The following DOCK8 variants were observed in gnomAD, a reference collection of about 807,000 sequenced individuals.
The protein encoded by DOCK8 is dedicator of cytokinesis protein 8.
DOCK8 carries 141 observed loss-of-function variants against 245.6 expected under a neutral mutation model. The ratio of observed to expected loss-of-function variants is 0.57; its 90% confidence interval spans 0.50 to 0.66. DOCK8 has a LOEUF of 0.66. DOCK8 is among the 30% of genes least tolerant of loss of function. The probability of loss-of-function intolerance (pLI) is 0.00; values close to 1 mark genes in which losing one functional copy is unlikely to be tolerated. For synonymous variants in DOCK8, 1,168 were observed against 970.2 expected, an observed-to-expected ratio of 1.20 and a Z score of -3.79; for missense variants, 2,965 against 2,603.4, an observed-to-expected ratio of 1.14 and a Z score of -3.02.
intron 26 of DOCK8, among the ~76,000 whole-genome samples, chr9:400,967 T>TCTAGCAATATTATCACCTTTCCTATCA (rs2055031963): frequency 7.1e-5 from 3 of 42,346 alleles, no homozygotes; most frequent in African/African-American, 9.2e-4. Flanking sequence ...CACCACCACC[T>TCTAGCAATATTATCACCTTTCCTATCA]CCTCCACCAT....
At chr9:368,597 C>G (rs1253846061) in intron 15 of DOCK8, 1 of 256,540 alleles carries the variant, frequency 3.9e-6, no homozygotes, top group African/African-American at 2.2e-5. Flanking sequence ...TATAAACACA[C>G]ACCACCTCCA....
intron 10 of DOCK8, 150 bp downstream of exon 10, chr9:332,628 A>G (rs2051071474): frequency 1.8e-6 from 1 of 560,068 alleles, no homozygotes; most frequent in African/African-American, 1.9e-5. Context: ...GAGGAAAAGA[A>G]AACTGGTCAC....
chr9:400,291 ACCACCACCATCTTCACCG>A (rs1306143705), intron 26 of DOCK8, among the ~76,000 whole-genome samples: 14 of 75,574 alleles, frequency 1.9e-4, no homozygotes, highest in Non-Finnish European at 2.7e-4. Context: ...TTCCTTCACC[ACCACCACCATCTTCACCG>A]TCACCACCAC....
chr9:308,426 G>C (rs1162111378), intron 5 of DOCK8, among the ~76,000 whole-genome samples: 2 of 152,226 alleles, frequency 1.3e-5, no homozygotes, highest in African/African-American at 4.8e-5. Context: ...GAGAATCTCA[G>C]ACTGCGAGAT....
At chr9:380,025 C>T (rs2053679628) in intron 21 of DOCK8, 90 bp downstream of exon 21, 6 of 1,469,886 alleles carry the variant, frequency 4.1e-6, no homozygotes, top group East Asian at 2.5e-5. Flanking sequence ...ACATCCTATG[C>T]TGGGTGCAGG....
chr9:338,929 A>G (rs1213522242), intron 12 of DOCK8, 77 bp from the exon 13 acceptor site: 7 of 1,251,656 alleles, frequency 5.6e-6, no homozygotes, highest in Non-Finnish European at 8.2e-6. Context: ...AAAGGTAAAA[A>G]TCTTCCCAGA....
At chr9:400,051 A>ACCACC (rs2054717669) in intron 26 of DOCK8, among the ~76,000 whole-genome samples, 1 of 106,950 alleles carries the variant, frequency 9.4e-6, no homozygotes, top group African/African-American at 5.0e-5. Flanking sequence ...CACCTCCACC[A>ACCACC]TCACCACCTC....
intron 1 of DOCK8, among the ~76,000 whole-genome samples, chr9:252,091 AG>A (rs1239902134): frequency 2.0e-5 from 3 of 149,960 alleles, no homozygotes; most frequent in Non-Finnish European, 4.4e-5. Flanking sequence ...CTCCTGCCTC[AG>A]CCTCCTGAGT....
At chr9:422,211 A>G (rs1486541135) in intron 33 of DOCK8, 76 bp downstream of exon 33, 1 of 1,160,226 alleles carries the variant, frequency 8.6e-7, no homozygotes, top group East Asian at 2.4e-5. Flanking sequence ...TGTATTACTG[A>G]AACAACTGCA....
At chr9:370,051 C>T (rs1332596943) in intron 15 of DOCK8, 179 bp from the exon 16 acceptor site, 37 of 644,988 alleles carry the variant, frequency 5.7e-5, no homozygotes, top group Middle Eastern at 5.0e-4. Flanking sequence ...CATTCTCCCA[C>T]GCCGACCTCC....
chr9:215,090 G>C (rs1183719221), intron 1 of DOCK8, 61 bp downstream of exon 1: 44 of 1,520,668 alleles, frequency 2.9e-5, no homozygotes, highest in East Asian at 1.3e-4. Context: ...GTGTGAAGCG[G>C]AGCTTCGCTG....
At chr9:346,420 A>G (rs908193773) in intron 14 of DOCK8, among the ~76,000 whole-genome samples, 2 of 152,156 alleles carry the variant, frequency 1.3e-5, no homozygotes, top group Admixed American at 6.5e-5. Context: ...CCAGAGGGGT[A>G]TGTGCGGAGA....
chr9:357,747 C>G (rs1457786323), intron 14 of DOCK8, among the ~76,000 whole-genome samples: 2 of 152,144 alleles, frequency 1.3e-5, no homozygotes, highest in Non-Finnish European at 2.9e-5. Context: ...GATAACACCC[C>G]CAGTGCCTCC....
chr9:453,125 A>T (rs1305168331), intron 46 of DOCK8, among the ~76,000 whole-genome samples: 2 of 152,226 alleles, frequency 1.3e-5, no homozygotes, highest in Non-Finnish European at 2.9e-5. Context: ...GAGGTTAGAG[A>T]TATCTCCTCC....
At chr9:258,679 C>T (rs935099693) in intron 1 of DOCK8, among the ~76,000 whole-genome samples, 1 of 144,830 alleles carries the variant, frequency 6.9e-6, no homozygotes, top group East Asian at 2.0e-4. Flanking sequence ...CATACTGCAA[C>T]CTCTGCCTCC....
intron 30 of DOCK8, among the ~76,000 whole-genome samples, chr9:418,938 C>CAA (rs144677265): frequency 0.036 from 5,538 of 152,186 alleles, 322 homozygotes; most frequent in African/African-American, 0.12. Flanking sequence ...GCTTCTTAAA[C>CAA]AAGACTGCAG....
chr9:452,104 G>C lies in DOCK8; in HGVS notation c.6055G>C (p.Glu2019Gln). 6.2e-7 allele frequency: 1 copy of C among 1,609,814 alleles called. No individual in the cohort carries two copies. Among genetic ancestry groups the C allele is most frequent in the Non-Finnish European group, 8.5e-7 (1 of 1,177,566 alleles). ...HHNKLRLCFK[E>Q]FIMRCGEAVE... ...CAACAAGTTGAGGTTATGCTTTAAG[G>C]AATTCATCATGAGGTAAGAAGGAAA... The change falls in exon 46 of 48, where the codon GAA (glutamate) becomes CAA (glutamine). Residue 2019 changes from glutamate (E) to glutamine (Q), a missense_variant. Coordinates refer to ENST00000432829, the MANE Select transcript of DOCK8 (RefSeq NM_203447.4).
chr9:214,455 T>C, upstream of DOCK8: 8 of 1,571,462 alleles, frequency 5.1e-6, no homozygotes, highest in Non-Finnish European at 6.9e-6. Flanking sequence ...TTTTTTGTCT[T>C]TTTTTTTGGC....
At position 438,673 on chromosome 9, in the gene DOCK8, A is replaced by G. The variant is rs547362673; in HGVS notation, c.5080-572A>G. ...CTAGAGGCTCTAAACGCAATAGTTT[A>G]TGTAAAGGAAACAAATGCATGGAAA... is the stretch of plus-strand genomic sequence containing the variant. On this transcript the variant is annotated intron_variant, in intron 39 of 47. Transcript: ENST00000432829. Among the ~76,000 whole-genome samples the G allele has an allele frequency of 2.4e-4, 37 of 152,292 alleles. No individual in the cohort carries two copies. In the South Asian group the frequency reaches 7.0e-3, roughly 29 times the overall value.
Sources: allele counts gnomAD v4.1 joint callset (sites outside exome capture counted in the v4.1 genomes callset), GRCh38; gene constraint gnomAD v4.1.1; transcripts MANE v1.5; gene names NCBI Gene and HGNC (gene_info 2026-07-23, HGNC 2026-07-21).